CRIM1: variants seen among roughly 807,000 people sequenced by gnomAD.
CRIM1 encodes the protein cysteine-rich motor neuron 1 protein.
Under a neutral mutation model 116.4 loss-of-function variants are expected in CRIM1, and 32 were observed. That is an observed-to-expected ratio of 0.27 (90% CI 0.21 to 0.37). The LOEUF is 0.37. CRIM1 is among the 10% of genes least tolerant of loss of function. The pLI, the probability that CRIM1 is intolerant of heterozygous loss-of-function variation, is 1.00. For missense variants in CRIM1, 1,331 were observed against 1,354.8 expected (o/e 0.98, Z 0.28); for synonymous variants, 590 against 509.2 (o/e 1.16, Z -2.13).
intron 16 of CRIM1, 128 bp from the exon 17 acceptor site, chr2:36,548,397 A>G (rs915904067): frequency 2.3e-5 from 14 of 611,968 alleles, no homozygotes; most frequent in African/African-American, 7.5e-5. Context: ...GATAATCTGC[A>G]TACAGGCTAT....
chr2:36,481,548 C>G (rs745719276), intron 7 of CRIM1, among the ~76,000 whole-genome samples: 7 of 152,154 alleles, frequency 4.6e-5, no homozygotes, highest in Non-Finnish European at 8.8e-5. Context: ...CCTATTTAGG[C>G]TGAGTTTTGA....
intron 2 of CRIM1, among the ~76,000 whole-genome samples, chr2:36,421,730 G>A (rs1674082326): frequency 6.6e-6 from 1 of 152,180 alleles, no homozygotes; most frequent in Admixed American, 6.5e-5. Flanking sequence ...TACCTTGGAG[G>A]CCCATTTTCT....
At chr2:36,486,857 CT>C (rs1204805548) in intron 7 of CRIM1, among the ~76,000 whole-genome samples, 1 of 152,082 alleles carries the variant, frequency 6.6e-6, no homozygotes, top group Non-Finnish European at 1.5e-5. Context: ...TTCCAACAAG[CT>C]TAAATAAACA....
chr2:36,360,589 G>A (rs1051661996), intron 1 of CRIM1, among the ~76,000 whole-genome samples: 1 of 152,142 alleles, frequency 6.6e-6, no homozygotes, highest in Non-Finnish European at 1.5e-5. Context: ...TTTGTTTCCT[G>A]AAACTTGCCA....
intron 8 of CRIM1, among the ~76,000 whole-genome samples, chr2:36,503,536 CG>C: frequency 6.6e-6 from 1 of 151,990 alleles, no homozygotes. Context: ...CCAGCGTCCC[CG>C]CCCCCCTTTG....
chr2:36,392,542 A>C (rs1285394085), intron 1 of CRIM1, among the ~76,000 whole-genome samples: 1 of 152,170 alleles, frequency 6.6e-6, no homozygotes, highest in East Asian at 1.9e-4. Context: ...GGATTTACTT[A>C]GGAAAAGAGA....
At chr2:36,465,228 T>TC (rs1324191838) in intron 5 of CRIM1, among the ~76,000 whole-genome samples, 2 of 152,188 alleles carry the variant, frequency 1.3e-5, no homozygotes, top group African/African-American at 4.8e-5. Flanking sequence ...GATTCTTGGG[T>TC]CACGAGATTC....
intron 2 of CRIM1, among the ~76,000 whole-genome samples, chr2:36,414,324 T>G (rs1243381038): frequency 6.6e-6 from 1 of 152,228 alleles, no homozygotes; most frequent in East Asian, 1.9e-4. Flanking sequence ...GTCTGAAGTT[T>G]ATATGTTTAT....
Position 36,477,025 on chromosome 2 carries a change from C to T in CRIM1, c.1128C>T (p.Cys376=), listed in dbSNP as rs777725191. 21 of 1,613,396 alleles carry T rather than the reference C, an allele frequency of 1.3e-5. No individual in the cohort carries two copies. The highest frequency in any genetic ancestry group is 2.2e-5 in the East Asian group (1 of 44,862). The change falls in exon 6 of 17, where the codon TGC becomes TGT. Residue 376 remains cysteine (C), a synonymous_variant. Transcript: ENST00000280527. ...CCGCCCAGTGTGGTGAGATAAACTGCGAGAGGTACTACGTGCCCGAAGGAG... is the reference window on the plus strand; with the variant it reads ...CCGCCCAGTGTGGTGAGATAAACTGTGAGAGGTACTACGTGCCCGAAGGAG... ...CFTAQCGEIN[C]ERYYVPEGEC...
At chr2:36,519,223 T>C (rs1007515482) in intron 12 of CRIM1, among the ~76,000 whole-genome samples, 1 of 152,190 alleles carries the variant, frequency 6.6e-6, no homozygotes, top group Non-Finnish European at 1.5e-5. Context: ...GTTCCACCCA[T>C]AAAGAGAAGG....
intron 2 of CRIM1, among the ~76,000 whole-genome samples, chr2:36,409,216 T>C (rs1673034120): frequency 6.6e-6 from 1 of 152,172 alleles, no homozygotes. Flanking sequence ...TTTGTCTTTT[T>C]CCCACTATGC....
chr2:36,547,137 T>C lies in CRIM1; in HGVS notation c.2900T>C (p.Ile967Thr), dbSNP rs763052529. 1 of 1,612,918 alleles carries C rather than the reference T, an allele frequency of 6.2e-7. No homozygotes were observed. Among genetic ancestry groups the C allele is most frequent in the East Asian group, 2.2e-5 (1 of 44,832 alleles). Residue 967 changes from isoleucine to threonine, a missense_variant, in exon 16 of 17, where the codon ATA becomes ACA. Ile to Thr is a moderately conservative substitution (Grantham distance 89, BLOSUM62 -1). Transcript: ENST00000280527. ...FLFINQKKQW[I>T]PLLCWYRTPT... The stretch of plus-strand genomic sequence containing the variant: ...TTCATCAATCAGAAGAAACAGTGGA[T>C]ACCACTGCTTTGCTGGTATCGAACA...
At chr2:36,546,901 T>A (rs1667385235) in intron 15 of CRIM1, 83 bp from the exon 16 acceptor site, 7 of 776,220 alleles carry the variant, frequency 9.0e-6, no homozygotes, top group South Asian at 1.9e-5. Context: ...ACCAAGTTGC[T>A]GATCTCTATT....
intron 2 of CRIM1, among the ~76,000 whole-genome samples, chr2:36,397,924 A>T (rs1002536210): frequency 2.6e-5 from 4 of 152,160 alleles, no homozygotes; most frequent in African/African-American, 9.7e-5. Flanking sequence ...CACGCATTTG[A>T]TGAGTATCAG....
intron 6 of CRIM1, 36 bp downstream of exon 6, chr2:36,477,107 A>G (rs372623006): frequency 2.0e-6 from 3 of 1,504,070 alleles, no homozygotes; most frequent in South Asian, 1.2e-5. Flanking sequence ...TAACAGGAGC[A>G]TACATGGTAT....
chr2:36,497,348 C>T (rs956842623), intron 7 of CRIM1, among the ~76,000 whole-genome samples: 8 of 152,110 alleles, frequency 5.3e-5, no homozygotes, highest in African/African-American at 1.2e-4. Context: ...CTTCTACGCT[C>T]TCTCATATTT....
intron 2 of CRIM1, among the ~76,000 whole-genome samples, chr2:36,412,743 C>G (rs534902279): frequency 6.6e-6 from 1 of 151,882 alleles, no homozygotes; most frequent in Non-Finnish European, 1.5e-5. Context: ...TCTTTGATAT[C>G]TTAAATTTGG....
At chr2:36,475,813 C>G (rs1020914123) in intron 5 of CRIM1, among the ~76,000 whole-genome samples, 1 of 152,126 alleles carries the variant, frequency 6.6e-6, no homozygotes, top group African/African-American at 2.4e-5. Context: ...TGTCAGATGC[C>G]AAAAACTGTG....
At chr2:36,424,937 CTCT>C (rs1355665069) in intron 2 of CRIM1, among the ~76,000 whole-genome samples, 2 of 152,200 alleles carry the variant, frequency 1.3e-5, no homozygotes, top group Non-Finnish European at 2.9e-5. Context: ...CCTCTATTCT[CTCT>C]TCTTGGAGTG....
Sources: allele counts gnomAD v4.1 joint callset (sites outside exome capture counted in the v4.1 genomes callset), GRCh38; gene constraint gnomAD v4.1.1; transcripts MANE v1.5; gene names NCBI Gene and HGNC (gene_info 2026-07-23, HGNC 2026-07-21).